HMGA2: variants seen among roughly 807,000 people sequenced by gnomAD.
The protein encoded by HMGA2 is high mobility group AT-hook 2.
A neutral mutation model predicts 19.1 loss-of-function variants in HMGA2; 8 were observed. The observed-to-expected ratio is 0.42, with a 90% CI of 0.25 to 0.76. HMGA2 has a LOEUF of 0.76. HMGA2 is among the 30% of genes least tolerant of loss of function. The pLI, the probability that HMGA2 is intolerant of heterozygous loss-of-function variation, is 0.28. For missense variants in HMGA2, 109 were observed against 136.3 expected, an observed-to-expected ratio of 0.80 and a Z score of 1.00; for synonymous variants, 60 against 48.8, an observed-to-expected ratio of 1.23 and a Z score of -0.96.
chr12:65,932,857 C>T (rs1018202143), intron 3 of HMGA2, among the ~76,000 whole-genome samples: 2 of 152,148 alleles, frequency 1.3e-5, no homozygotes, highest in African/African-American at 4.8e-5. Context: ...TCTAAAGCAG[C>T]CATCTTTCAA....
Position 65,899,214 on chromosome 12 carries a change from GA to G in HMGA2, c.250-52165del, listed in dbSNP as rs373814331. 1.4e-3 allele frequency among the ~76,000 whole-genome samples: 206 copies of G among 152,270 alleles called. 2 individuals are homozygous for G. The highest frequency in any genetic ancestry group is 4.9e-3 in the African/African-American group (202 of 41,554). On this transcript the variant is annotated intron_variant, in intron 3 of 4. Transcript: ENST00000403681. ...TTATAACTCGTGCTTCCGAACAGAT[GA>G]AAACTTAAAAGTTTAGTTGAATATC...
At chr12:65,900,288 T>C (rs1565726585) in intron 3 of HMGA2, among the ~76,000 whole-genome samples, 1 of 152,320 alleles carries the variant, frequency 6.6e-6, no homozygotes, top group Middle Eastern at 3.4e-3. Context: ...AATTTGTACA[T>C]GAAGATTTTG....
At chr12:65,849,072 C>T (rs112934472) in intron 3 of HMGA2, among the ~76,000 whole-genome samples, 6 of 152,276 alleles carry the variant, frequency 3.9e-5, no homozygotes, top group Non-Finnish European at 5.9e-5. Context: ...GTTTGTTTTG[C>T]GGTCCCTTAT....
At chr12:65,866,235 T>C (rs1345622336) in intron 3 of HMGA2, among the ~76,000 whole-genome samples, 2 of 152,110 alleles carry the variant, frequency 1.3e-5, no homozygotes, top group Non-Finnish European at 2.9e-5. Context: ...AAACTTAAGG[T>C]CCCTAGTCTT....
intron 3 of HMGA2, chr12:65,858,688 T>C (rs1250959156): frequency 6.6e-6 from 1 of 152,150 alleles, no homozygotes; most frequent in Non-Finnish European, 1.5e-5. Context: ...TTTAAAAAAA[T>C]GTATATTAAA....
chr12:65,828,143 C>T, intron 2 of HMGA2, 56 bp downstream of exon 2: 5 of 1,253,582 alleles, frequency 4.0e-6, no homozygotes, highest in Admixed American at 3.4e-5. Context: ...CTACAGGAGC[C>T]TGCCTGTAAC....
intron 2 of HMGA2, among the ~76,000 whole-genome samples, chr12:65,832,788 G>A (rs1245798847): frequency 6.6e-6 from 1 of 152,016 alleles, no homozygotes; most frequent in Non-Finnish European, 1.5e-5. Context: ...TTAAATTAGG[G>A]AAGAGTAGTG....
intron 3 of HMGA2, among the ~76,000 whole-genome samples, chr12:65,870,050 C>T (rs1439593845): frequency 6.6e-6 from 1 of 151,822 alleles, no homozygotes; most frequent in East Asian, 1.9e-4. Flanking sequence ...AATATTCCAG[C>T]TATATTCAAT....
chr12:65,865,223 G>A (rs1872330782), intron 3 of HMGA2, among the ~76,000 whole-genome samples: 2 of 152,158 alleles, frequency 1.3e-5, no homozygotes, highest in African/African-American at 4.8e-5. Flanking sequence ...AGTAAGGCTT[G>A]CAGTCAACAG....
intron 3 of HMGA2, among the ~76,000 whole-genome samples, chr12:65,901,473 T>C (rs1160668292): frequency 1.3e-5 from 2 of 152,222 alleles, no homozygotes; most frequent in African/African-American, 4.8e-5. Context: ...GTTTCTTTGC[T>C]GAAATGAATA....
intron 3 of HMGA2, among the ~76,000 whole-genome samples, chr12:65,896,082 A>G (rs1592428823): frequency 1.3e-5 from 2 of 152,242 alleles, no homozygotes; most frequent in African/African-American, 4.8e-5. Flanking sequence ...GCAATACTAT[A>G]AAATGGTGGT....
In HMGA2 at chr12:65,825,772, G is replaced by C. The variant is rs1870137784; in HGVS notation, c.111+391G>C. On this transcript the variant is annotated intron_variant, in intron 1 of 4. Coordinates refer to ENST00000403681, the MANE Select transcript of HMGA2 (RefSeq NM_003483.6). This position sits in a 1 kb window ranked among gnomAD's most constrained non-coding sequence, Gnocchi z 4.4. ...GCTTTTGCAACTGCCCGGGAGGAAGGAGGTGCCGGGGACCCGGGCGCTTCG... is the reference window on the plus strand; with the variant it reads ...GCTTTTGCAACTGCCCGGGAGGAAGCAGGTGCCGGGGACCCGGGCGCTTCG... Among the ~76,000 whole-genome samples the C allele has an allele frequency of 6.6e-6, 1 of 152,184 alleles. No homozygotes were observed. Among genetic ancestry groups the C allele is most frequent in the Non-Finnish European group, 1.5e-5 (1 of 68,032 alleles).
Position 65,870,120 on chromosome 12 carries a change from G to A in HMGA2, c.249+31551G>A, listed in dbSNP as rs200326378. Reference sequence around the variant, plus strand: ...GTCATTGTTACAGGTCTGTGTATAAGTAAACACAATATGGTCCTTAGCTTT... The same window carrying A: ...GTCATTGTTACAGGTCTGTGTATAAATAAACACAATATGGTCCTTAGCTTT... On this transcript the variant is annotated intron_variant, in intron 3 of 4. Transcript: ENST00000403681. 2.8e-4 allele frequency among the ~76,000 whole-genome samples: 42 copies of A among 152,124 alleles called. No individual in the cohort carries two copies. In the East Asian group the frequency reaches 6.8e-3, roughly 24 times the overall value.
intron 3 of HMGA2, among the ~76,000 whole-genome samples, chr12:65,920,046 A>G (rs1233954144): frequency 3.9e-5 from 6 of 152,212 alleles, no homozygotes; most frequent in Non-Finnish European, 8.8e-5. Context: ...GTGAGCCAAT[A>G]CATAGCTGGT....
At chr12:65,905,265 G>A (rs1315040788) in intron 3 of HMGA2, among the ~76,000 whole-genome samples, 3 of 151,716 alleles carry the variant, frequency 2.0e-5, no homozygotes, top group Non-Finnish European at 4.4e-5. Context: ...TAACAATATT[G>A]ATATAGTCAG....
chr12:65,899,088 G>A (rs1410058972), intron 3 of HMGA2, among the ~76,000 whole-genome samples: 1 of 150,838 alleles, frequency 6.6e-6, no homozygotes, highest in Admixed American at 6.6e-5. Context: ...GGAAACTGGG[G>A]CTTAGGGAGG....
At chr12:65,905,669 C>T (rs539890810) in intron 3 of HMGA2, among the ~76,000 whole-genome samples, 151 of 152,230 alleles carry the variant, frequency 9.9e-4, no homozygotes, top group African/African-American at 3.4e-3. Flanking sequence ...ACTCTTTGCA[C>T]GCTTCTACTT....
chr12:65,945,071 C>T (rs1477557875), intron 3 of HMGA2, among the ~76,000 whole-genome samples: 1 of 151,698 alleles, frequency 6.6e-6, no homozygotes, highest in Non-Finnish European at 1.5e-5. Context: ...TCCCCTGGAG[C>T]TCCAGTTTTT....
At chr12:65,866,029 G>C (rs1164712381) in intron 3 of HMGA2, among the ~76,000 whole-genome samples, 1 of 152,156 alleles carries the variant, frequency 6.6e-6, no homozygotes, top group African/African-American at 2.4e-5. Context: ...GGGAATCATA[G>C]CAAGTGTATA....
Sources: allele counts gnomAD v4.1 joint callset (sites outside exome capture counted in the v4.1 genomes callset), GRCh38; gene constraint gnomAD v4.1.1; non-coding constraint Gnocchi (gnomAD v3.1); transcripts MANE v1.5; gene names NCBI Gene and HGNC (gene_info 2026-07-23, HGNC 2026-07-21).